Variants in ADCY8 observed in about 807,000 individuals in gnomAD.
ADCY8 encodes the protein adenylate cyclase type 8.
Under a neutral mutation model 119.7 loss-of-function variants are expected in ADCY8, and 51 were observed. That is an observed-to-expected ratio of 0.43 (90% CI 0.34 to 0.54). ADCY8 has a LOEUF of 0.54. Among genes scored for constraint, ADCY8 ranks in the 20% least tolerant of loss-of-function variants. ADCY8 has a pLI of 0.03. For missense variants in ADCY8, 1,383 were observed against 1,598.8 expected (o/e 0.87, Z 2.30); for synonymous variants, 665 against 651.0 (o/e 1.02, Z -0.33).
chr8:130,877,663 T>C lies in ADCY8; in HGVS notation c.2109+6901A>G, dbSNP rs1818618294. Among the ~76,000 whole-genome samples the C allele has an allele frequency of 2.6e-5, 4 of 152,210 alleles. No homozygotes were observed. The South Asian group carries it at 8.3e-4, about 31-fold the overall frequency. On this transcript the variant is annotated intron_variant, in intron 8 of 17. Coordinates refer to ENST00000286355, the MANE Select transcript of ADCY8 (RefSeq NM_001115.3). The stretch of plus-strand genomic sequence containing the variant: ...TGGCCTTTGGGAATGATAAAACATC[T>C]ATCATCCTTGAAGAGAGAAACAATC...
chr8:131,019,831 C>CTCTCTG (rs1823603037), intron 1 of ADCY8, among the ~76,000 whole-genome samples: 8 of 100,504 alleles, frequency 8.0e-5, no homozygotes, highest in South Asian at 3.7e-4. Flanking sequence ...CTCTCTCTCT[C>CTCTCTG]TCTCTCTGTC....
intron 8 of ADCY8, among the ~76,000 whole-genome samples, chr8:130,883,573 C>T (rs948956433): frequency 6.6e-6 from 1 of 152,156 alleles, no homozygotes; most frequent in East Asian, 1.9e-4. Context: ...AGCAAATCTC[C>T]CAGGCAGCTG....
chr8:130,834,050 C>T (rs972891121), intron 12 of ADCY8, among the ~76,000 whole-genome samples: 2 of 152,116 alleles, frequency 1.3e-5, no homozygotes, highest in African/African-American at 4.8e-5. Context: ...ATCTTACGTG[C>T]TGTCACCACC....
chr8:130,854,032 A>G (rs535826708), intron 9 of ADCY8, among the ~76,000 whole-genome samples: 3 of 152,260 alleles, frequency 2.0e-5, no homozygotes, highest in African/African-American at 7.2e-5. Flanking sequence ...AGCACTTTAA[A>G]GTTCTATGGC....
At chr8:130,941,109 CTT>C (rs1363256443) in intron 4 of ADCY8, among the ~76,000 whole-genome samples, 3 of 152,136 alleles carry the variant, frequency 2.0e-5, no homozygotes, top group African/African-American at 7.2e-5. Context: ...TCCCAAAAAA[CTT>C]TATAGTATTT....
At position 130,943,461 on chromosome 8, in the gene ADCY8, T is replaced by A; in HGVS notation, c.1243A>T (p.Ile415Phe). 2 of 762,086 alleles carry A rather than the reference T, an allele frequency of 2.6e-6. No homozygotes were observed. The highest frequency in any genetic ancestry group is 1.8e-6 in the Non-Finnish European group (1 of 548,098). 47.2% of individuals were successfully genotyped at this position (762,086 alleles called of 1,614,324 possible). A position where few individuals can be genotyped will look rare whatever the true frequency, so the allele number is the denominator to read the frequency against. Residue 415 changes from isoleucine to phenylalanine, a missense_variant and splice_region_variant, in exon 4 of 18, where the codon ATT (isoleucine) becomes TTT (phenylalanine). This residue lies in a region of ADCY8 where 928 missense variants were observed against 1,163.5 expected (regional missense o/e 0.80). Transcript: ENST00000286355. ...IYIHRYENVS[I>F]LFADVKGFTN... ...AATCCTTTAACATCTGCAAAAAGAA[T>A]ACTAAACACAGGGAAGAGGGTGGGG...
chr8:130,783,290 G>A, intron 17 of ADCY8, among the ~76,000 whole-genome samples: 1 of 152,154 alleles, frequency 6.6e-6, no homozygotes, highest in Non-Finnish European at 1.5e-5. Flanking sequence ...TTTGTCTGAA[G>A]GAATTATCCT....
chr8:130,944,158 A>T (rs1414762622), intron 3 of ADCY8, among the ~76,000 whole-genome samples: 1 of 152,190 alleles, frequency 6.6e-6, no homozygotes. Context: ...GGGCAAGCAT[A>T]GTTCTCTCCA....
chr8:130,903,759 A>G lies in ADCY8; in HGVS notation c.1911+13T>C, dbSNP rs1294938838. ...CATTCATGGCCAAGCAGAAGGAGGA[A>G]GAGAGGACTTACATTCTGTTTCCCC... On this transcript the variant is annotated intron_variant, in intron 7 of 17. Coordinates refer to ENST00000286355, the MANE Select transcript of ADCY8 (RefSeq NM_001115.3). The G allele has an allele frequency of 9.9e-6, 16 of 1,611,068 alleles. No individual in the cohort carries two copies. The highest frequency in any genetic ancestry group is 1.3e-5 in the African/African-American group (1 of 74,850).
chr8:131,036,030 C>T (rs1824142562), intron 1 of ADCY8, among the ~76,000 whole-genome samples: 1 of 152,146 alleles, frequency 6.6e-6, no homozygotes, highest in South Asian at 2.1e-4. Flanking sequence ...AAGTACTCCT[C>T]AGTCTTTAAT....
At chr8:130,933,959 A>T (rs1442992983) in intron 5 of ADCY8, among the ~76,000 whole-genome samples, 1 of 152,120 alleles carries the variant, frequency 6.6e-6, no homozygotes. Flanking sequence ...GTCTGATCTG[A>T]TTTTTTCATT....
At position 131,040,068 on chromosome 8, in the gene ADCY8, A is replaced by T; in HGVS notation, c.266T>A (p.Leu89Gln). 3.2e-6 allele frequency: 5 copies of T among 1,540,404 alleles called. No homozygotes were observed. Among genetic ancestry groups the T allele is most frequent in the Non-Finnish European group, 4.4e-6 (5 of 1,148,468 alleles). ...TCCCGGGCCCAGCGAGTAGAGGGGC[A>T]GCGCCGAGTCGCCTGACAGCTGCGG... ...HAPQLSGDSA[L>Q]PLYSLGPGER... Residue 89 changes from leucine to glutamine, a missense_variant, in exon 1 of 18, where the codon CTG (leucine) becomes CAG (glutamine). This residue lies in a region of ADCY8 where 455 missense variants were observed against 435.3 expected (regional missense o/e 1.05). Transcript: ENST00000286355.
At chr8:131,019,796 A>ATT (rs1823594927) in intron 1 of ADCY8, among the ~76,000 whole-genome samples, 1 of 112,402 alleles carries the variant, frequency 8.9e-6, no homozygotes, top group Admixed American at 8.8e-5. Flanking sequence ...CATGGAACAA[A>ATT]TTCTCTCTCT....
At chr8:130,906,883 G>T (rs1819802974) in intron 6 of ADCY8, among the ~76,000 whole-genome samples, 1 of 151,524 alleles carries the variant, frequency 6.6e-6, no homozygotes, top group South Asian at 2.1e-4. Context: ...AACAACCTTA[G>T]GTATTAGACA....
intron 5 of ADCY8, among the ~76,000 whole-genome samples, chr8:130,928,272 A>G (rs1222454853): frequency 6.6e-6 from 1 of 152,084 alleles, no homozygotes; most frequent in Non-Finnish European, 1.5e-5. Flanking sequence ...AGATCTTTCT[A>G]TTATTGCTCA....
At chr8:130,989,189 T>C (rs1185165332) in intron 2 of ADCY8, among the ~76,000 whole-genome samples, 1 of 152,238 alleles carries the variant, frequency 6.6e-6, no homozygotes, top group African/African-American at 2.4e-5. Context: ...AAATTCCTTA[T>C]TCTGAATTTT....
intron 9 of ADCY8, among the ~76,000 whole-genome samples, chr8:130,859,294 A>T (rs1021903169): frequency 2.0e-5 from 3 of 152,234 alleles, no homozygotes; most frequent in Non-Finnish European, 4.4e-5. Flanking sequence ...TACCACCAGG[A>T]TATTTCTAAC....
At chr8:131,015,044 G>T (rs1404900089) in intron 1 of ADCY8, among the ~76,000 whole-genome samples, 1 of 152,170 alleles carries the variant, frequency 6.6e-6, no homozygotes, top group African/African-American at 2.4e-5. Context: ...GTCTTACCCA[G>T]GGCACATGCT....
chr8:131,010,114 G>T (rs1049714745), intron 1 of ADCY8, among the ~76,000 whole-genome samples: 3 of 152,194 alleles, frequency 2.0e-5, no homozygotes, highest in African/African-American at 7.2e-5. Flanking sequence ...TTACAATGGA[G>T]CTGAGAGTAT....
Sources: gnomAD v4.1 joint callset for allele counts (sites outside exome capture counted in the v4.1 genomes callset) on GRCh38, gnomAD v4.1.1 for gene constraint, gnomAD v4.1.1 regional missense constraint, MANE v1.5 for transcripts, NCBI Gene and HGNC (gene_info 2026-07-23, HGNC 2026-07-21) for gene names.